SEPSECS: variants seen among roughly 807,000 people sequenced by gnomAD.
The protein encoded by SEPSECS is O-phosphoseryl-tRNA(Sec) selenium transferase.
SEPSECS carries 42 observed loss-of-function variants against 52.1 expected under a neutral mutation model. The ratio of observed to expected loss-of-function variants is 0.81; its 90% CI spans 0.63 to 1.04. The LOEUF (loss-of-function observed/expected upper bound fraction) is 1.04. Among genes scored for constraint, SEPSECS ranks in the 50% least tolerant of loss-of-function variants. The pLI is 0.00. For synonymous variants in SEPSECS, 216 were observed against 211.4 expected (o/e 1.02, Z -0.19); for missense variants, 590 against 610.6 (o/e 0.97, Z 0.36).
At chr4:25,149,036 G>C (rs971862362) in intron 6 of SEPSECS, among the ~76,000 whole-genome samples, 1 of 152,052 alleles carries the variant, frequency 6.6e-6, no homozygotes, top group African/African-American at 2.4e-5. Flanking sequence ...GCAACTCCAA[G>C]AGCACCTTTC....
chr4:25,144,659 G>A (rs925879303), intron 8 of SEPSECS, 115 bp downstream of exon 8: 29 of 763,834 alleles, frequency 3.8e-5, no homozygotes, highest in African/African-American at 3.5e-5. Flanking sequence ...AAATACTATC[G>A]GACCATACTA....
chr4:25,139,716 G>A lies in SEPSECS; in HGVS notation c.1026+5058C>T, dbSNP rs1291267469. 1.3e-5 allele frequency among the ~76,000 whole-genome samples: 2 copies of A among 152,126 alleles called. 1 individual carries two copies. The highest frequency in any genetic ancestry group is 1.3e-4 in the Admixed American group (2 of 15,266). ...CAAATTAGAGTAGACCAAGGTGGGG[G>A]AACAGGAGAAGTGTGAATAAATTAC... On this transcript the variant is annotated intron_variant, in intron 8 of 10. Coordinates refer to ENST00000382103, the MANE Select transcript of SEPSECS (RefSeq NM_016955.4).
At chr4:25,156,760 ACT>A (rs986716265) in intron 3 of SEPSECS, 94 bp downstream of exon 3, 9 of 732,042 alleles carry the variant, frequency 1.2e-5, no homozygotes, top group Non-Finnish European at 2.2e-5. Context: ...AGCCACTCAT[ACT>A]CTTTTTGGAA....
chr4:25,133,822 TA>T (rs547813262), intron 8 of SEPSECS, among the ~76,000 whole-genome samples: 27 of 145,934 alleles, frequency 1.9e-4, no homozygotes, highest in Admixed American at 4.1e-4. Flanking sequence ...ATTATTCCCT[TA>T]AAAAAAAAAG....
intron 8 of SEPSECS, among the ~76,000 whole-genome samples, chr4:25,130,848 T>C: frequency 6.6e-6 from 1 of 152,174 alleles, no homozygotes; most frequent in East Asian, 1.9e-4. Context: ...GTACTATTTT[T>C]TGCTACAGTT....
intron 6 of SEPSECS, among the ~76,000 whole-genome samples, chr4:25,150,973 G>A (rs1276396676): frequency 6.6e-6 from 1 of 152,120 alleles, no homozygotes; most frequent in Non-Finnish European, 1.5e-5. Flanking sequence ...GGACAACAGA[G>A]TGAGACCCTA....
chr4:25,153,337 G>C (rs980038198), intron 5 of SEPSECS, among the ~76,000 whole-genome samples: 15 of 151,122 alleles, frequency 9.9e-5, no homozygotes, highest in African/African-American at 3.4e-4. Context: ...TGAAAATAAG[G>C]CTCCATAACA....
At chr4:25,144,209 G>A (rs942203722) in intron 8 of SEPSECS, among the ~76,000 whole-genome samples, 6 of 151,400 alleles carry the variant, frequency 4.0e-5, no homozygotes, top group African/African-American at 7.3e-5. Flanking sequence ...GTGTGGTGGC[G>A]GGCGCTTGTA....
At chr4:25,142,767 T>A (rs890772094) in intron 8 of SEPSECS, among the ~76,000 whole-genome samples, 2 of 152,222 alleles carry the variant, frequency 1.3e-5, no homozygotes, top group African/African-American at 2.4e-5. Context: ...TTACAAAATG[T>A]CTAATTTATA....
chr4:25,156,917 T>C lies in SEPSECS; in HGVS notation c.327A>G (p.Ala109=). 1 of 1,613,672 alleles carries C rather than the reference T, an allele frequency of 6.2e-7. No individual in the cohort carries two copies. The highest frequency in any genetic ancestry group is 8.5e-7 in the Non-Finnish European group (1 of 1,179,638). Residue 109 remains alanine (A), a synonymous_variant, in exon 3 of 11, where the codon GCA becomes GCG. Transcript: ENST00000382103. ...GDISAVQPKA[A]GSSLLNKITN... The stretch of plus-strand genomic sequence containing the variant: ...TAATTTTGTTCAAAAGGCTAGAGCC[T>C]GCAGCTTTTGGTTGCACAGCAGAAA...
intron 8 of SEPSECS, among the ~76,000 whole-genome samples, chr4:25,135,626 C>G (rs1728813258): frequency 6.6e-6 from 1 of 152,030 alleles, no homozygotes; most frequent in Admixed American, 6.6e-5. Context: ...CTGAATTCTA[C>G]CAGAGGTACA....
At chr4:25,124,534 CT>C (rs1329220624) in intron 10 of SEPSECS, among the ~76,000 whole-genome samples, 2 of 151,982 alleles carry the variant, frequency 1.3e-5, no homozygotes, top group African/African-American at 4.8e-5. Context: ...ACCTGAAGCT[CT>C]AGGAATCTTA....
At chr4:25,144,176 T>C (rs1711806927) in intron 8 of SEPSECS, among the ~76,000 whole-genome samples, 1 of 151,680 alleles carries the variant, frequency 6.6e-6, no homozygotes, top group Non-Finnish European at 1.5e-5. Context: ...CCGTCTCTAC[T>C]AAAAATACAA....
At chr4:25,140,886 C>A (rs1729037176) in intron 8 of SEPSECS, among the ~76,000 whole-genome samples, 1 of 147,800 alleles carries the variant, frequency 6.8e-6, no homozygotes, top group Admixed American at 6.9e-5. Flanking sequence ...TCTGCCTCCA[C>A]AGCTTCAACC....
chr4:25,132,272 A>C (rs1416421116), intron 8 of SEPSECS, among the ~76,000 whole-genome samples: 1 of 152,202 alleles, frequency 6.6e-6, no homozygotes, highest in African/African-American at 2.4e-5. Context: ...AATGAAAAAA[A>C]TTCTAAGTTT....
rs1171547601 is a variant in SEPSECS at position 25,122,896 on chromosome 4, C to T, written c.*1035G>A. On this transcript the variant is annotated 3_prime_UTR_variant, in exon 11 of 11. Coordinates refer to ENST00000382103, the MANE Select transcript of SEPSECS (RefSeq NM_016955.4). ...ATCATACTATGTGATTTTCATCTTC[C>T]TGGCAAAAATATGTTCAAAAATACC... is the stretch of plus-strand genomic sequence containing the variant. The T allele has an allele frequency of 1.3e-5, 2 of 152,092 alleles. No homozygotes were observed. The highest frequency in any genetic ancestry group is 2.1e-4 in the South Asian group (1 of 4,830). 9.4% of individuals were successfully genotyped at this position (152,092 alleles called of 1,614,324 possible).
chr4:25,124,322 CT>C, intron 10 of SEPSECS, 97 bp from the exon 11 acceptor site: 1 of 1,182,778 alleles, frequency 8.5e-7, no homozygotes, highest in Non-Finnish European at 1.2e-6. Flanking sequence ...CTTACATCCA[CT>C]TATTACGAAG....
rs76583290 is a variant in SEPSECS at position 25,130,971 on chromosome 4, A to C, written c.1027-3614T>G. On this transcript the variant is annotated intron_variant, in intron 8 of 10. Transcript: ENST00000382103. ...ACTTAAAAGAAATGAAATATTATTG[A>C]TTTTCCATGTTCTCTGTGCTGTATT... 6.8e-4 allele frequency among the ~76,000 whole-genome samples: 103 copies of C among 152,286 alleles called. 1 individual carries two copies. In the East Asian group the frequency reaches 0.014, roughly 20 times the overall value.
At chr4:25,134,124 CAAAAAAA>C (rs34672005) in intron 8 of SEPSECS, among the ~76,000 whole-genome samples, 51 of 13,172 alleles carry the variant, frequency 3.9e-3, no homozygotes, top group South Asian at 0.024. Flanking sequence ...GACCCCATCT[CAAAAAAA>C]AAAAAAAAAA....
Sources: gnomAD v4.1 joint callset for allele counts (sites outside exome capture counted in the v4.1 genomes callset) on GRCh38, gnomAD v4.1.1 for gene constraint, MANE v1.5 for transcripts, NCBI Gene and HGNC (gene_info 2026-07-23, HGNC 2026-07-21) for gene names.